WIPF3: variants seen among roughly 807,000 people sequenced by gnomAD.
The protein encoded by WIPF3 is WAS/WASL interacting protein family member 3.
In WIPF3, 33 loss-of-function variants were observed where a neutral mutation model predicts 38.9. The observed-to-expected ratio is 0.85, with a 90% CI of 0.64 to 1.14. WIPF3 has a LOEUF of 1.14. WIPF3 is among the 50% of genes most tolerant of loss of function. WIPF3 has a pLI of 0.00. For missense variants in WIPF3, 711 were observed against 652.5 expected (o/e 1.09, Z -0.98); for synonymous variants, 324 against 269.3 (o/e 1.20, Z -1.99).
intron 2 of WIPF3, among the ~76,000 whole-genome samples, chr7:29,857,643 TC>T (rs755276451): frequency 3.3e-5 from 5 of 152,322 alleles, no homozygotes; most frequent in Admixed American, 2.6e-4. Flanking sequence ...TTCTACATTC[TC>T]CCACCTCCTA....
chr7:29,807,980 AC>A (rs1232898242), intron 1 of WIPF3, among the ~76,000 whole-genome samples: 8 of 152,122 alleles, frequency 5.3e-5, no homozygotes, highest in Admixed American at 3.9e-4. Flanking sequence ...CTTTATCATT[AC>A]GAAAGAGGTC....
intron 2 of WIPF3, 107 bp from the exon 3 acceptor site, chr7:29,875,723 T>C (rs1383319825): frequency 1.4e-6 from 2 of 1,439,816 alleles, no homozygotes; most frequent in African/African-American, 1.4e-5. Context: ...GCCTTGGGAG[T>C]GGGACGGGGA....
chr7:29,869,527 G>A (rs1785458064), intron 2 of WIPF3, among the ~76,000 whole-genome samples: 1 of 152,120 alleles, frequency 6.6e-6, no homozygotes, highest in South Asian at 2.1e-4. Flanking sequence ...ACATGCTTTT[G>A]TCTAGTGTCT....
chr7:29,822,397 G>C (rs73303119), intron 1 of WIPF3, among the ~76,000 whole-genome samples: 1 of 152,082 alleles, frequency 6.6e-6, no homozygotes, highest in Admixed American at 6.5e-5. Context: ...TTCCCCAGCC[G>C]GTAGAGGTGG....
intron 1 of WIPF3, 128 bp from the exon 2 acceptor site, chr7:29,834,540 C>A (rs929859338): frequency 2.2e-6 from 2 of 890,338 alleles, no homozygotes; most frequent in Non-Finnish European, 1.6e-6. Flanking sequence ...AATGAATGAA[C>A]AAATGAGTGA....
At chr7:29,907,825 A>G (rs1786427221) in intron 8 of WIPF3, among the ~76,000 whole-genome samples, 1 of 152,204 alleles carries the variant, frequency 6.6e-6, no homozygotes. Flanking sequence ...AGCAGCCTGA[A>G]AAGACTAAGA....
chr7:29,856,451 G>T (rs1451743824), intron 2 of WIPF3, among the ~76,000 whole-genome samples: 1 of 151,968 alleles, frequency 6.6e-6, no homozygotes, highest in Admixed American at 6.6e-5. Context: ...AACAAAATGA[G>T]ATCTCATCTC....
At chr7:29,911,221 A>G (rs576214385) in intron 8 of WIPF3, among the ~76,000 whole-genome samples, 1 of 152,326 alleles carries the variant, frequency 6.6e-6, no homozygotes, top group African/African-American at 2.4e-5. Flanking sequence ...AAAGACTTGC[A>G]TAATGAAAAC....
chr7:29,889,668 A>T (rs1309651216), intron 7 of WIPF3, among the ~76,000 whole-genome samples: 1 of 152,164 alleles, frequency 6.6e-6, no homozygotes, highest in African/African-American at 2.4e-5. Context: ...CTTACCACTC[A>T]TCTCTCTCCT....
rs565940800 is a variant in WIPF3, at chr7:29,836,540, C to A, written c.90+1726C>A. Among the ~76,000 whole-genome samples the A allele has an allele frequency of 5.9e-5, 9 of 152,260 alleles. No individual in the cohort carries two copies. In the South Asian group the frequency reaches 8.3e-4, roughly 14 times the overall value. On this transcript the variant is annotated intron_variant, in intron 2 of 8. Transcript: ENST00000242140. The stretch of plus-strand genomic sequence containing the variant: ...TTTTGAGACTGATTTAAGAATTTAA[C>A]CCTAAAAATACCAAAAAGAATTTAT...
At chr7:29,914,399 G>A in intron 8 of WIPF3, 94 bp from the exon 9 acceptor site, 1 of 1,058,804 alleles carries the variant, frequency 9.4e-7, no homozygotes, top group Non-Finnish European at 1.3e-6. Context: ...GAGAAGCTTC[G>A]GGGCCCAGCC....
intron 5 of WIPF3, among the ~76,000 whole-genome samples, chr7:29,884,845 G>T (rs1337385470): frequency 2.6e-5 from 4 of 152,198 alleles, no homozygotes; most frequent in Non-Finnish European, 4.4e-5. Context: ...GTAAAATGGG[G>T]ATAGATGGCA....
At chr7:29,826,182 G>A (rs117958030) in intron 1 of WIPF3, among the ~76,000 whole-genome samples, 1,954 of 152,198 alleles carry the variant, frequency 0.013, 19 homozygotes, top group Non-Finnish European at 0.021. Context: ...AAACTTTAGC[G>A]AGCATAAAAC....
At chr7:29,879,990 A>G (rs528857775) in intron 4 of WIPF3, among the ~76,000 whole-genome samples, 10 of 152,314 alleles carry the variant, frequency 6.6e-5, no homozygotes, top group Non-Finnish European at 1.0e-4. Flanking sequence ...GATGAGAGGA[A>G]CTGTAAAATC....
Position 29,884,365 on chromosome 7 carries a change from G to GCCCCC in WIPF3, c.875_876insCCCCC (p.Pro294ArgfsTer82). 4 of 573,296 alleles carry GCCCCC rather than the reference G, an allele frequency of 7.0e-6. No homozygotes were observed. The highest frequency in any genetic ancestry group is 4.6e-6 in the Non-Finnish European group (2 of 438,924). 35.5% of individuals were successfully genotyped at this position (573,296 alleles called of 1,614,324 possible). ...TGCGCAAGATGCGCAGGAGCCTCCC[G>GCCCCC]CCCCGCCGCCCCCGCTCCCCCCTTA... On this transcript the variant is annotated frameshift_variant, in exon 5 of 9. Coordinates refer to ENST00000242140, the MANE Select transcript of WIPF3 (RefSeq NM_001080529.3). LOFTEE classifies it high-confidence loss of function.
At chr7:29,902,107 A>G (rs1786295059) in intron 7 of WIPF3, among the ~76,000 whole-genome samples, 1 of 152,024 alleles carries the variant, frequency 6.6e-6, no homozygotes, top group African/African-American at 2.4e-5. Flanking sequence ...ATAGAGAGTT[A>G]TACAGCCCAA....
intron 5 of WIPF3, among the ~76,000 whole-genome samples, chr7:29,887,502 G>A (rs184933757): frequency 6.6e-6 from 1 of 152,328 alleles, no homozygotes; most frequent in African/African-American, 2.4e-5. Context: ...TTGGATTCAA[G>A]TTAGGCCCTG....
chr7:29,895,770 C>T (rs174992), intron 7 of WIPF3, among the ~76,000 whole-genome samples: 71,114 of 151,974 alleles, frequency 0.47, 18,445 homozygotes, highest in East Asian at 0.78. Flanking sequence ...CACACTTAAC[C>T]AGATCTTGCA....
chr7:29,883,036 C>G (rs984050256), intron 4 of WIPF3, among the ~76,000 whole-genome samples: 5 of 152,126 alleles, frequency 3.3e-5, no homozygotes, highest in Non-Finnish European at 7.4e-5. Flanking sequence ...CAAGGCTGTG[C>G]GGAGTATAGA....
Sources: allele counts gnomAD v4.1 joint callset (sites outside exome capture counted in the v4.1 genomes callset), GRCh38; gene constraint gnomAD v4.1.1; transcripts MANE v1.5; gene names NCBI Gene and HGNC (gene_info 2026-07-23, HGNC 2026-07-21).